The following BRD10 variants were observed in gnomAD, a reference collection of about 807,000 sequenced individuals.
BRD10 encodes the protein bromodomain containing 10.
At chr9:5,968,867 T>G in the BRD10 span, 1 of 1,613,368 alleles carries the variant, frequency 6.2e-7, no homozygotes, top group Non-Finnish European at 8.5e-7. Context: ...TTCCCTGCAT[T>G]CATGGATAGG....
chr9:5,968,489 T>G, the BRD10 span: 2 of 1,611,446 alleles, frequency 1.2e-6, no homozygotes, highest in African/African-American at 1.3e-5. Flanking sequence ...ACAATCAGTT[T>G]TTTTAATTTC....
the BRD10 span, among the ~76,000 whole-genome samples, chr9:5,907,719 G>A: frequency 1.3e-5 from 2 of 152,332 alleles, no homozygotes; most frequent in Non-Finnish European, 2.9e-5. Context: ...TCGGGAGGCC[G>A]AGGTGGGTGG....
At chr9:5,988,953 G>C in the BRD10 span, among the ~76,000 whole-genome samples, 1 of 152,058 alleles carries the variant, frequency 6.6e-6, no homozygotes, top group African/African-American at 2.4e-5. Flanking sequence ...ATAAACAGCC[G>C]GGTGCAGTGG....
At chr9:5,929,112 T>G in the BRD10 span, 1 of 1,608,830 alleles carries the variant, frequency 6.2e-7, no homozygotes, top group South Asian at 1.1e-5. Context: ...GACGTATCAA[T>G]GTACTATGTA....
chr9:5,928,100 C>T, the BRD10 span, among the ~76,000 whole-genome samples: 5 of 152,270 alleles, frequency 3.3e-5, no homozygotes, highest in South Asian at 6.2e-4. Flanking sequence ...AATGGCAATT[C>T]CATTATTCCA....
chr9:5,918,380 G>T, the BRD10 span, among the ~76,000 whole-genome samples: 1 of 152,110 alleles, frequency 6.6e-6, no homozygotes, highest in Admixed American at 6.5e-5. Flanking sequence ...CAAGATAATG[G>T]ATATAAAGAT....
the BRD10 span, among the ~76,000 whole-genome samples, chr9:5,935,569 T>C: frequency 6.6e-6 from 1 of 152,212 alleles, no homozygotes; most frequent in Non-Finnish European, 1.5e-5. Context: ...TTTCAATAAA[T>C]TGATATTAAG....
At chr9:5,992,500 CAAAT>C in the BRD10 span, among the ~76,000 whole-genome samples, 2 of 146,254 alleles carry the variant, frequency 1.4e-5, no homozygotes. Flanking sequence ...AATCAATGGC[CAAAT>C]AAATACACTA....
the BRD10 span, among the ~76,000 whole-genome samples, chr9:5,942,810 G>T: frequency 1.3e-5 from 2 of 152,006 alleles, no homozygotes; most frequent in Non-Finnish European, 1.5e-5. Flanking sequence ...TAAACCCTAG[G>T]GTAATCTAAA....
At chr9:5,980,682 T>C in the BRD10 span, among the ~76,000 whole-genome samples, 1 of 151,600 alleles carries the variant, frequency 6.6e-6, no homozygotes, top group Non-Finnish European at 1.5e-5. Flanking sequence ...TATATGTATA[T>C]AGAGAGAGAG....
At chr9:5,914,257 T>A in the BRD10 span, among the ~76,000 whole-genome samples, 2 of 152,114 alleles carry the variant, frequency 1.3e-5, no homozygotes, top group Non-Finnish European at 2.9e-5. Flanking sequence ...AGCAACCAAC[T>A]CCTAAATATA....
the BRD10 span, among the ~76,000 whole-genome samples, chr9:5,943,520 A>T: frequency 6.6e-6 from 1 of 151,386 alleles, no homozygotes; most frequent in South Asian, 2.1e-4. Flanking sequence ...AAGGAACAGA[A>T]TTAGTCCTTT....
the BRD10 span, among the ~76,000 whole-genome samples, chr9:5,935,490 A>C: frequency 6.6e-6 from 1 of 152,174 alleles, no homozygotes; most frequent in African/African-American, 2.4e-5. Flanking sequence ...ATGTGCTACC[A>C]TTTTCATTTA....
chr9:5,951,989 C>A, the BRD10 span, among the ~76,000 whole-genome samples: 1 of 141,214 alleles, frequency 7.1e-6, no homozygotes, highest in Non-Finnish European at 1.6e-5. Flanking sequence ...ACCTTGAGAA[C>A]CAGGAAGAGA....
chr9:5,931,625 G>C, the BRD10 span, among the ~76,000 whole-genome samples: 3 of 152,010 alleles, frequency 2.0e-5, no homozygotes, highest in African/African-American at 7.3e-5. Flanking sequence ...TGTATTTTCA[G>C]TCTGGGGTAG....
the BRD10 span, chr9:5,929,279 A>G: frequency 1.9e-6 from 1 of 538,228 alleles, no homozygotes; most frequent in Non-Finnish European, 3.3e-6. Flanking sequence ...CTTCTTCAGA[A>G]GCTTGCAGAA....
the BRD10 span, among the ~76,000 whole-genome samples, chr9:5,882,615 A>T: frequency 6.6e-6 from 1 of 152,176 alleles, no homozygotes; most frequent in Non-Finnish European, 1.5e-5. Flanking sequence ...CACTGAAGTC[A>T]CCCATGTTAT....
At chr9:5,919,965 C>G in the BRD10 span, 4 of 1,613,822 alleles carry the variant, frequency 2.5e-6, no homozygotes, top group African/African-American at 1.3e-5. Flanking sequence ...AAAAGAGTAG[C>G]TGGAGACTTA....
the BRD10 span, among the ~76,000 whole-genome samples, chr9:5,933,203 G>T: frequency 6.6e-6 from 1 of 152,260 alleles, no homozygotes; most frequent in Admixed American, 6.5e-5. Flanking sequence ...TTATAAACAA[G>T]TATGTGAACA....
Sources: allele counts gnomAD v4.1 joint callset (sites outside exome capture counted in the v4.1 genomes callset), GRCh38; gene constraint gnomAD v4.1.1; transcripts MANE v1.5; gene names NCBI Gene and HGNC (gene_info 2026-07-23, HGNC 2026-07-21).